ZMAT3: variants seen among roughly 807,000 people sequenced by gnomAD.
ZMAT3 encodes the protein zinc finger matrin-type protein 3.
ZMAT3 carries 17 observed loss-of-function variants against 32.3 expected under a neutral mutation model. That is an observed-to-expected ratio of 0.53 (90% CI 0.36 to 0.79). The LOEUF is 0.79. ZMAT3 is among the 30% of genes least tolerant of loss of function. ZMAT3 has a pLI of 0.00. For missense variants in ZMAT3, 329 were observed against 359.7 expected (o/e 0.91, Z 0.69); for synonymous variants, 120 against 133.1 (o/e 0.90, Z 0.68).
In ZMAT3 at chr3:179,025,112, T is replaced by A. The variant is rs1268043831; in HGVS notation, c.775A>T (p.Met259Leu). Residue 259 changes from methionine (M) to leucine (L), a missense_variant, in exon 6 of 6, where the codon ATG (methionine) becomes TTG (leucine). Transcript: ENST00000311417. Reference sequence around the variant, plus strand: ...CTCTCTAAATGCTGCCGGAATTCCATCTCTTCGCCAGCTCCAACATTACAC... The same window carrying A: ...CTCTCTAAATGCTGCCGGAATTCCAACTCTTCGCCAGCTCCAACATTACAC... ...SMCNVGAGEE[M>L]EFRQHLESKQ... The A allele has an allele frequency of 6.2e-7, 1 of 1,614,198 alleles. No homozygotes were observed. Among genetic ancestry groups the A allele is most frequent in the South Asian group, 1.1e-5 (1 of 91,078 alleles).
chr3:179,067,400 A>T, intron 2 of ZMAT3, 83 bp downstream of exon 2: 1 of 1,429,142 alleles, frequency 7.0e-7, no homozygotes, highest in South Asian at 1.3e-5. Flanking sequence ...AGGCACAGTC[A>T]TATCTGGAGA....
Position 179,027,526 on chromosome 3 carries a change from G to A in ZMAT3, c.558-3C>T, listed in dbSNP as rs757564066. The A allele has an allele frequency of 2.1e-5, 34 of 1,614,124 alleles. 1 individual carries two copies. The South Asian group carries it at 3.7e-4, about 18-fold the overall frequency. On this transcript the variant is annotated splice_polypyrimidine_tract_variant and splice_region_variant and intron_variant, in intron 4 of 5. Coordinates refer to ENST00000311417, the MANE Select transcript of ZMAT3 (RefSeq NM_022470.4). ...GTTGACCCAGCTCTGAGGATTCCCT[G>A]GAGAAAAGAAGTTTAAAAAAGAGTG...
At chr3:179,044,429 G>A (rs1346060085) in intron 2 of ZMAT3, among the ~76,000 whole-genome samples, 1 of 152,146 alleles carries the variant, frequency 6.6e-6, no homozygotes, top group Non-Finnish European at 1.5e-5. Context: ...AGGATCACAA[G>A]GTCAGGAGAT....
chr3:179,058,629 G>A (rs900444930), intron 2 of ZMAT3, among the ~76,000 whole-genome samples: 16 of 151,548 alleles, frequency 1.1e-4, no homozygotes, highest in African/African-American at 3.1e-4. Context: ...AGTGGCGGGC[G>A]CCTGTAGTCC....
chr3:179,037,053 TC>T, intron 2 of ZMAT3, among the ~76,000 whole-genome samples: 1 of 152,112 alleles, frequency 6.6e-6, no homozygotes, highest in East Asian at 1.9e-4. Context: ...TTGGGCCCCC[TC>T]TCTGCTGAGA....
intron 2 of ZMAT3, among the ~76,000 whole-genome samples, chr3:179,066,143 T>A (rs1236540506): frequency 6.6e-6 from 1 of 152,092 alleles, no homozygotes; most frequent in African/African-American, 2.4e-5. Context: ...TCTGCTTGAA[T>A]GGTAAAGACA....
At chr3:179,061,177 C>T (rs1465175853) in intron 2 of ZMAT3, among the ~76,000 whole-genome samples, 1 of 151,928 alleles carries the variant, frequency 6.6e-6, no homozygotes, top group East Asian at 1.9e-4. Flanking sequence ...AGTGATCCCA[C>T]CTAAAGAGTG....
chr3:179,042,558 T>G (rs998789292), intron 2 of ZMAT3, among the ~76,000 whole-genome samples: 5 of 152,224 alleles, frequency 3.3e-5, no homozygotes, highest in African/African-American at 7.2e-5. Context: ...AAATTAGGTA[T>G]TGATGGAACG....
At chr3:179,063,939 T>C (rs1721274152) in intron 2 of ZMAT3, among the ~76,000 whole-genome samples, 1 of 152,330 alleles carries the variant, frequency 6.6e-6, no homozygotes, top group Middle Eastern at 3.4e-3. Flanking sequence ...TGACTACAGA[T>C]ACACATGGGT....
Position 179,028,405 on chromosome 3 carries a change from G to GT in ZMAT3, c.391-594dup, listed in dbSNP as rs1490498684. Among the ~76,000 whole-genome samples the GT allele has an allele frequency of 4.6e-5, 7 of 152,314 alleles. No homozygotes were observed. The East Asian group carries it at 7.7e-4, about 17-fold the overall frequency. On this transcript the variant is annotated intron_variant, in intron 3 of 5. Coordinates refer to ENST00000311417, the MANE Select transcript of ZMAT3 (RefSeq NM_022470.4). ...TTGCCCAGAAGATAGTAGGCATTCA[G>GT]TAAGTATTAGGTTAACAAAAAAAAT...
intron 2 of ZMAT3, among the ~76,000 whole-genome samples, chr3:179,059,806 G>A (rs1721058246): frequency 1.3e-5 from 2 of 152,296 alleles, no homozygotes; most frequent in South Asian, 2.1e-4. Flanking sequence ...CAGCACTTGA[G>A]TTTTCCTGTT....
rs113579844 is a variant in ZMAT3 at position 179,031,924 on chromosome 3, A to G, written c.271-925T>C. 6.7e-5 allele frequency among the ~76,000 whole-genome samples: 2 copies of G among 29,782 alleles called. 1 individual carries two copies. Among genetic ancestry groups the G allele is most frequent in the African/African-American group, 2.4e-4 (2 of 8,248 alleles). 19.5% of individuals were successfully genotyped at this position (29,782 alleles called of 152,430 possible). ...TCTGTCTCAAATAAAAAAAAAAAAAACTCTCCCTCTCCCTCCCCCTCCCCC... is the reference window on the plus strand; with the variant it reads ...TCTGTCTCAAATAAAAAAAAAAAAAGCTCTCCCTCTCCCTCCCCCTCCCCC... On this transcript the variant is annotated intron_variant, in intron 2 of 5. Coordinates refer to ENST00000311417, the MANE Select transcript of ZMAT3 (RefSeq NM_022470.4).
intron 2 of ZMAT3, among the ~76,000 whole-genome samples, chr3:179,043,041 G>C (rs148601517): frequency 3.2e-4 from 48 of 152,214 alleles, no homozygotes; most frequent in African/African-American, 1.2e-3. Context: ...TCTTCAAAGA[G>C]AGCTACAAAC....
chr3:179,049,413 T>G, intron 2 of ZMAT3, among the ~76,000 whole-genome samples: 1 of 152,210 alleles, frequency 6.6e-6, no homozygotes, highest in Non-Finnish European at 1.5e-5. Flanking sequence ...GACCATATGA[T>G]AGCCACAAAA....
chr3:179,038,656 G>A (rs540366239), intron 2 of ZMAT3, among the ~76,000 whole-genome samples: 30 of 152,164 alleles, frequency 2.0e-4, no homozygotes, highest in Admixed American at 5.2e-4. Flanking sequence ...TGCAGCAGAC[G>A]GGTGATATCC....
chr3:179,061,282 T>G (rs1721139956), intron 2 of ZMAT3, among the ~76,000 whole-genome samples: 1 of 151,814 alleles, frequency 6.6e-6, no homozygotes. Context: ...AAAAGGAAAA[T>G]TCCATACAAT....
chr3:179,064,403 T>C (rs1382529219), intron 2 of ZMAT3, among the ~76,000 whole-genome samples: 1 of 152,230 alleles, frequency 6.6e-6, no homozygotes, highest in Non-Finnish European at 1.5e-5. Context: ...TACTTATTCC[T>C]GTGCTTGGTA....
At chr3:179,066,792 T>C (rs1164073936) in intron 2 of ZMAT3, among the ~76,000 whole-genome samples, 2 of 152,258 alleles carry the variant, frequency 1.3e-5, no homozygotes, top group Non-Finnish European at 2.9e-5. Context: ...AATATTACCC[T>C]TTAAAATGGT....
intron 2 of ZMAT3, among the ~76,000 whole-genome samples, chr3:179,066,174 C>G (rs1184434669): frequency 1.3e-5 from 2 of 152,066 alleles, no homozygotes; most frequent in African/African-American, 4.8e-5. Flanking sequence ...GACCCTGTAT[C>G]AAACAACTGT....
Sources: allele counts gnomAD v4.1 joint callset (sites outside exome capture counted in the v4.1 genomes callset), GRCh38; gene constraint gnomAD v4.1.1; transcripts MANE v1.5; gene names NCBI Gene and HGNC (gene_info 2026-07-23, HGNC 2026-07-21).